Variants in DNAH11 observed in about 807,000 individuals in gnomAD.
DNAH11 encodes dynein axonemal heavy chain 11.
DNAH11 carries 442 observed loss-of-function variants against 526.0 expected under a neutral mutation model. The ratio of observed to expected loss-of-function variants is 0.84; its 90% CI spans 0.78 to 0.91. The LOEUF (loss-of-function observed/expected upper bound fraction) is 0.91. DNAH11 is among the 40% of genes least tolerant of loss of function. The pLI, the probability that DNAH11 is intolerant of heterozygous loss-of-function variation, is 0.00. For synonymous variants in DNAH11, 2,461 were observed against 1,935.9 expected (o/e 1.27, Z -7.12); for missense variants, 6,989 against 5,448.7 (o/e 1.28, Z -8.90).
At chr7:21,803,090 T>A (rs1448151612) in intron 62 of DNAH11, among the ~76,000 whole-genome samples, 1 of 152,190 alleles carries the variant, frequency 6.6e-6, no homozygotes, top group South Asian at 2.1e-4. Flanking sequence ...ATATAACATA[T>A]ATATCTAAAA....
intron 2 of DNAH11, among the ~76,000 whole-genome samples, chr7:21,545,815 T>A (rs1782785244): frequency 6.6e-6 from 1 of 152,188 alleles, no homozygotes; most frequent in South Asian, 2.1e-4. Context: ...TGATGCTCTT[T>A]GTTTGTGGAC....
intron 39 of DNAH11, among the ~76,000 whole-genome samples, chr7:21,706,333 T>C (rs941634625): frequency 3.6e-4 from 55 of 152,064 alleles, no homozygotes; most frequent in African/African-American, 1.3e-3. Flanking sequence ...GATGCTTGGG[T>C]ATAAACATAC....
At chr7:21,833,468 G>A (rs1399704984) in intron 65 of DNAH11, among the ~76,000 whole-genome samples, 7 of 152,132 alleles carry the variant, frequency 4.6e-5, no homozygotes, top group Non-Finnish European at 7.4e-5. Flanking sequence ...CAAAGTGGAT[G>A]GATCACCTGA....
chr7:21,555,093 G>A (rs1783164571), intron 2 of DNAH11, among the ~76,000 whole-genome samples: 1 of 152,102 alleles, frequency 6.6e-6, no homozygotes, highest in African/African-American at 2.4e-5. Flanking sequence ...TTCTTTGAAG[G>A]GGAACATGGG....
chr7:21,646,646 G>A (rs1484095305), intron 28 of DNAH11, among the ~76,000 whole-genome samples: 1 of 152,138 alleles, frequency 6.6e-6, no homozygotes, highest in Non-Finnish European at 1.5e-5. Flanking sequence ...GGTGCCCAGT[G>A]AGCTCCAGCA....
Position 21,787,462 on chromosome 7 carries a change from T to A in DNAH11, c.9803T>A (p.Leu3268Gln). The A allele has an allele frequency of 6.2e-7, 1 of 1,613,804 alleles. No individual in the cohort carries two copies. Among genetic ancestry groups the A allele is most frequent in the Non-Finnish European group, 8.5e-7 (1 of 1,179,762 alleles). The stretch of plus-strand genomic sequence containing the variant: ...AAAGAGCACATTCCAGAGAACTGTC[T>A]AAAAGTGGTGAATGAACACTATTTG... Reference protein sequence around the residue: ...YDKEHIPENCLKVVNEHYLKD... With the variant: ...YDKEHIPENCQKVVNEHYLKD... The change falls in exon 60 of 82, where the codon CTA becomes CAA. Residue 3268 changes from leucine to glutamine, a missense_variant. By Grantham distance (113) the Leu-to-Gln change is moderately radical. Coordinates refer to ENST00000409508, the MANE Select transcript of DNAH11 (RefSeq NM_001277115.2).
intron 54 of DNAH11, among the ~76,000 whole-genome samples, chr7:21,763,497 C>T (rs943043618): frequency 6.6e-6 from 1 of 151,572 alleles, no homozygotes; most frequent in Non-Finnish European, 1.5e-5. Context: ...AAAGCAAAAG[C>T]AGAAAATAAT....
chr7:21,564,359 G>A lies in DNAH11; in HGVS notation c.1156G>A (p.Val386Ile). The part of the protein sequence containing the change: ...KFYNTPARVI[V>I]LLQEFCNLFI... ...TTATAACACCCCAGCTCGGGTTATA[G>A]TTTTATTGCAAGAGTTTTGTAATCT... Residue 386 changes from valine (V) to isoleucine (I), a missense_variant, in exon 6 of 82, where the codon GTT becomes ATT. Physicochemically the swap from Val to Ile is conservative, Grantham distance 29. Transcript: ENST00000409508. 6.2e-7 allele frequency: 1 copy of A among 1,613,360 alleles called. No homozygotes were observed. Among genetic ancestry groups the A allele is most frequent in the Non-Finnish European group, 8.5e-7 (1 of 1,179,682 alleles).
At chr7:21,882,080 T>A (rs999746596) in intron 75 of DNAH11, among the ~76,000 whole-genome samples, 1 of 152,202 alleles carries the variant, frequency 6.6e-6, no homozygotes, top group African/African-American at 2.4e-5. Context: ...GAATGGACCA[T>A]TTAAGACTTT....
chr7:21,606,978 A>G (rs1314587704), intron 20 of DNAH11, among the ~76,000 whole-genome samples: 1 of 152,152 alleles, frequency 6.6e-6, no homozygotes, highest in Non-Finnish European at 1.5e-5. Flanking sequence ...GGATAGATGT[A>G]TATAGGAAAG....
intron 9 of DNAH11, among the ~76,000 whole-genome samples, chr7:21,582,808 T>C (rs1174215451): frequency 6.6e-6 from 1 of 152,190 alleles, no homozygotes; most frequent in Non-Finnish European, 1.5e-5. Context: ...AAATCATGGA[T>C]ATAATTCATT....
At chr7:21,641,775 C>T (rs1373838204) in intron 28 of DNAH11, among the ~76,000 whole-genome samples, 1 of 152,206 alleles carries the variant, frequency 6.6e-6, no homozygotes, top group Non-Finnish European at 1.5e-5. Context: ...GTGTGACTTA[C>T]TGTGAATGTC....
At chr7:21,718,331 C>G (rs975626775) in intron 43 of DNAH11, among the ~76,000 whole-genome samples, 2 of 152,042 alleles carry the variant, frequency 1.3e-5, no homozygotes, top group African/African-American at 4.8e-5. Context: ...TTTTCTGGTT[C>G]CTAAGTAACT....
chr7:21,831,338 C>T (rs934215382), intron 65 of DNAH11, among the ~76,000 whole-genome samples: 1 of 152,060 alleles, frequency 6.6e-6, no homozygotes, highest in African/African-American at 2.4e-5. Context: ...CTTTTTGATC[C>T]TTCAAGTCAT....
chr7:21,677,886 G>T (rs1196755894), intron 30 of DNAH11, among the ~76,000 whole-genome samples: 1 of 152,184 alleles, frequency 6.6e-6, no homozygotes, highest in African/African-American at 2.4e-5. Context: ...TTGGGAAAAT[G>T]TCTATTCTGG....
chr7:21,796,996 G>C (rs567893885), intron 61 of DNAH11, among the ~76,000 whole-genome samples: 1 of 151,878 alleles, frequency 6.6e-6, no homozygotes, highest in African/African-American at 2.4e-5. Flanking sequence ...GAAGAACAAA[G>C]AAAAAAGTGA....
intron 35 of DNAH11, among the ~76,000 whole-genome samples, chr7:21,696,192 T>G (rs1783844634): frequency 6.6e-6 from 1 of 151,260 alleles, no homozygotes; most frequent in South Asian, 2.1e-4. Flanking sequence ...GTTTTTAGTG[T>G]GATCTCTTTC....
chr7:21,737,381 T>G (rs2128489593), intron 46 of DNAH11, among the ~76,000 whole-genome samples: 1 of 152,292 alleles, frequency 6.6e-6, no homozygotes, highest in South Asian at 2.1e-4. Context: ...GTTTTAAAAC[T>G]GGGACAATCC....
intron 42 of DNAH11, among the ~76,000 whole-genome samples, chr7:21,716,773 C>G (rs2128482645): frequency 6.6e-6 from 1 of 152,316 alleles, no homozygotes; most frequent in South Asian, 2.1e-4. Context: ...AATTGGACTT[C>G]TGCTGAAAAC....
Sources: allele counts gnomAD v4.1 joint callset (sites outside exome capture counted in the v4.1 genomes callset), GRCh38; gene constraint gnomAD v4.1.1; transcripts MANE v1.5; gene names NCBI Gene and HGNC (gene_info 2026-07-23, HGNC 2026-07-21).